Variants in SMS observed in about 807,000 individuals in gnomAD.
SMS encodes spermidine aminopropyltransferase.
Under a neutral mutation model 33.0 loss-of-function variants are expected in SMS, and 3 were observed. That is an observed-to-expected ratio of 0.09 (90% CI 0.04 to 0.23). SMS has a LOEUF of 0.23. Among genes scored for constraint, SMS ranks in the 10% least tolerant of loss-of-function variants. SMS has a pLI of 1.00. For missense variants in SMS, 117 were observed against 288.6 expected, an observed-to-expected ratio of 0.41 and a Z score of 4.31; for synonymous variants, 103 against 112.2, an observed-to-expected ratio of 0.92 and a Z score of 0.52.
At chrX:21,948,665 G>C (rs183022167) in intron 1 of SMS, among the ~76,000 whole-genome samples, 60 of 111,331 alleles carry the variant, frequency 5.4e-4, no homozygotes, top group African/African-American at 1.9e-3. Flanking sequence ...GAAGATTGGA[G>C]ATTATGGGCT....
chrX:21,992,516 C>G (rs1925822251), intron 9 of SMS, 81 bp from the exon 10 acceptor site: 2 of 580,529 alleles, frequency 3.4e-6, no homozygotes, highest in South Asian at 4.7e-5. Context: ...TAGAATTGTT[C>G]TCCTTTATTA....
chrX:21,959,358 C>T (rs749786488), intron 1 of SMS, among the ~76,000 whole-genome samples: 1 of 112,069 alleles, frequency 8.9e-6, no homozygotes, highest in Non-Finnish European at 1.9e-5. Context: ...TGTCAGTCTT[C>T]GTGCTTTTGA....
At chrX:21,984,701 C>T (rs1211276899) in intron 8 of SMS, among the ~76,000 whole-genome samples, 1 of 111,752 alleles carries the variant, frequency 8.9e-6, no homozygotes, top group Non-Finnish European at 1.9e-5. Context: ...TGATTTTCAA[C>T]CTGTATTGGT....
At chrX:21,973,055 A>G (rs1924291389) in intron 4 of SMS, among the ~76,000 whole-genome samples, 1 of 111,734 alleles carries the variant, frequency 8.9e-6, no homozygotes, top group African/African-American at 3.3e-5. Context: ...TCACACCAAA[A>G]CAAGACAGTG....
intron 7 of SMS, among the ~76,000 whole-genome samples, chrX:21,983,097 C>T (rs1204338753): frequency 2.7e-5 from 3 of 111,135 alleles, no homozygotes; most frequent in Non-Finnish European, 3.8e-5. Flanking sequence ...CACAGTGGTG[C>T]GCGATGATCA....
At chrX:21,959,348 T>C (rs1205673045) in intron 1 of SMS, among the ~76,000 whole-genome samples, 1 of 112,342 alleles carries the variant, frequency 8.9e-6, no homozygotes, top group African/African-American at 3.2e-5. Flanking sequence ...ACCTGCTGCC[T>C]GTCAGTCTTC....
intron 1 of SMS, among the ~76,000 whole-genome samples, chrX:21,952,375 T>G (rs1023579239): frequency 1.8e-5 from 2 of 109,042 alleles, no homozygotes; most frequent in Admixed American, 9.9e-5. Context: ...AAAATGTGGG[T>G]TTTTTTCTTT....
intron 1 of SMS, among the ~76,000 whole-genome samples, chrX:21,952,818 C>A (rs1225346735): frequency 9.1e-6 from 1 of 109,863 alleles, no homozygotes; most frequent in Admixed American, 9.8e-5. Flanking sequence ...TCTCAACTCA[C>A]TGCAGCCTTG....
chrX:21,954,912 C>T (rs1299251215), intron 1 of SMS, among the ~76,000 whole-genome samples: 4 of 110,769 alleles, frequency 3.6e-5, no homozygotes, highest in African/African-American at 1.3e-4. Context: ...TCTTGGCTCA[C>T]GGCAACCCCT....
At chrX:21,983,211 T>C (rs1021407529) in intron 7 of SMS, among the ~76,000 whole-genome samples, 1 of 109,406 alleles carries the variant, frequency 9.1e-6, no homozygotes, top group African/African-American at 3.3e-5. Context: ...AGCTGATTTT[T>C]CTTTTTTTTC....
At chrX:21,970,351 T>G (rs1431653010) in intron 2 of SMS, among the ~76,000 whole-genome samples, 1 of 110,972 alleles carries the variant, frequency 9.0e-6, no homozygotes, top group Non-Finnish European at 1.9e-5. Flanking sequence ...GACACTGCCT[T>G]CTAGCATTCT....
intron 4 of SMS, among the ~76,000 whole-genome samples, chrX:21,973,713 C>G: frequency 8.8e-6 from 1 of 113,327 alleles, no homozygotes. Flanking sequence ...GGGATGGGCA[C>G]TAGCCCCACA....
intron 7 of SMS, among the ~76,000 whole-genome samples, chrX:21,983,103 G>C (rs1925084272): frequency 9.0e-6 from 1 of 111,432 alleles, no homozygotes; most frequent in Non-Finnish European, 1.9e-5. Context: ...GGTGCGCGAT[G>C]ATCATGGCTC....
At chrX:21,964,341 G>A (rs1010545943) in intron 1 of SMS, among the ~76,000 whole-genome samples, 1 of 110,903 alleles carries the variant, frequency 9.0e-6, no homozygotes, top group Non-Finnish European at 1.9e-5. Context: ...CCCTGATGTG[G>A]GACTTTTTCT....
chrX:21,977,867 T>G, intron 5 of SMS, 93 bp from the exon 6 acceptor site: 1 of 892,882 alleles, frequency 1.1e-6, no homozygotes, highest in Non-Finnish European at 1.6e-6. Context: ...AAAATTTACA[T>G]TTTGGTCTAG....
chrX:21,982,662 G>A (rs1056801715), intron 7 of SMS, among the ~76,000 whole-genome samples: 9 of 112,694 alleles, frequency 8.0e-5, no homozygotes, highest in Non-Finnish European at 1.3e-4. Flanking sequence ...TAGTGGAATG[G>A]TGTATTTTTT....
In SMS at chrX:21,994,533, T is replaced by C. The variant is rs1421345300; in HGVS notation, c.*182T>C. ...GTATATTTTGATGAGCTTAGGGTGT[T>C]TTTTTTTTGAAAGTCAGCTGAAGGA... On this transcript the variant is annotated 3_prime_UTR_variant, in exon 11 of 11. Transcript: ENST00000404933. 3 of 1,049,238 alleles carry C rather than the reference T, an allele frequency of 2.9e-6. No homozygotes were observed. Among genetic ancestry groups the C allele is most frequent in the Non-Finnish European group, 3.7e-6 (3 of 821,257 alleles). 86.5% of individuals were successfully genotyped at this position (1,049,238 alleles called of 1,213,427 possible).
intron 9 of SMS, among the ~76,000 whole-genome samples, chrX:21,988,662 C>CAAAAAAA (rs199561897): frequency 3.5e-4 from 23 of 66,154 alleles, no homozygotes; most frequent in East Asian, 1.0e-3. Context: ...GACTCTGTCT[C>CAAAAAAA]AAAAAAAAAA....
intron 1 of SMS, among the ~76,000 whole-genome samples, chrX:21,965,060 A>G (rs1449920626): frequency 1.8e-5 from 2 of 111,065 alleles, no homozygotes; most frequent in Admixed American, 9.6e-5. Flanking sequence ...CCTCCGTCTT[A>G]TGTCACCTGC....
Sources: allele counts gnomAD v4.1 joint callset (sites outside exome capture counted in the v4.1 genomes callset), GRCh38; gene constraint gnomAD v4.1.1; transcripts MANE v1.5; gene names NCBI Gene and HGNC (gene_info 2026-07-23, HGNC 2026-07-21).